DISC1: variants seen among roughly 807,000 people sequenced by gnomAD.
DISC1 encodes the protein disrupted in schizophrenia 1 protein.
A neutral mutation model predicts 84.5 loss-of-function variants in DISC1; 57 were observed. The observed-to-expected ratio is 0.67, with a 90% CI of 0.55 to 0.84. The LOEUF (loss-of-function observed/expected upper bound fraction) is 0.84. Among genes scored for constraint, DISC1 ranks in the 40% least tolerant of loss-of-function variants. The pLI, the probability that DISC1 is intolerant of heterozygous loss-of-function variation, is 0.00. For synonymous variants in DISC1, 411 were observed against 415.2 expected (o/e 0.99, Z 0.12); for missense variants, 1,000 against 1,057.8 (o/e 0.95, Z 0.76).
At chr1:231,912,961 G>A (rs2089359671) in intron 9 of DISC1, among the ~76,000 whole-genome samples, 1 of 150,156 alleles carries the variant, frequency 6.7e-6, no homozygotes, top group Admixed American at 6.7e-5. Context: ...AAGCTTGAGT[G>A]CAGTGGTTCC....
chr1:231,808,503 C>A (rs1180358792), intron 8 of DISC1, among the ~76,000 whole-genome samples: 2 of 152,222 alleles, frequency 1.3e-5, no homozygotes, highest in Non-Finnish European at 2.9e-5. Flanking sequence ...TTGTTTAATT[C>A]ATCTAGCTGT....
chr1:231,913,616 T>C lies in DISC1; in HGVS notation c.1982-45212T>C, dbSNP rs572192741. Among the ~76,000 whole-genome samples the C allele has an allele frequency of 1.2e-4, 19 of 152,328 alleles. No individual in the cohort carries two copies. In the East Asian group the frequency reaches 3.3e-3, roughly 26 times the overall value. On this transcript the variant is annotated intron_variant, in intron 9 of 12. Transcript: ENST00000439617. ...TCTTTACAAGTGTCTTGGGGACCTC[T>C]CGTGCCTTGCCCTGGTTCTGGGCCT...
chr1:231,818,698 C>T, intron 9 of DISC1, 181 bp downstream of exon 9: 8 of 1,429,924 alleles, frequency 5.6e-6, no homozygotes, highest in Non-Finnish European at 7.3e-6. Flanking sequence ...AATTACTTGT[C>T]AGCTTTTGTT....
intron 9 of DISC1, among the ~76,000 whole-genome samples, chr1:231,874,380 C>T (rs571170907): frequency 2.7e-5 from 4 of 150,786 alleles, no homozygotes; most frequent in African/African-American, 4.9e-5. Flanking sequence ...AGGGTGGTCT[C>T]GATCTCTTGA....
chr1:231,629,155 T>G (rs181948302), intron 1 of DISC1, among the ~76,000 whole-genome samples: 121 of 152,346 alleles, frequency 7.9e-4, no homozygotes, highest in Middle Eastern at 6.8e-3. Flanking sequence ...CTTTAAACTA[T>G]CTTCTTGTAA....
intron 3 of DISC1, among the ~76,000 whole-genome samples, chr1:231,743,526 T>C (rs1005275269): frequency 5.3e-5 from 8 of 152,236 alleles, no homozygotes; most frequent in African/African-American, 1.9e-4. Context: ...TTATTGCGTT[T>C]CACCAAAGTT....
chr1:231,838,459 C>T (rs1574183726), intron 9 of DISC1, among the ~76,000 whole-genome samples: 1 of 152,084 alleles, frequency 6.6e-6, no homozygotes, highest in Non-Finnish European at 1.5e-5. Context: ...GTTGTAATAG[C>T]CCTGTGACAC....
intron 3 of DISC1, among the ~76,000 whole-genome samples, chr1:231,744,926 A>G (rs1309670758): frequency 1.3e-5 from 2 of 152,206 alleles, no homozygotes; most frequent in African/African-American, 4.8e-5. Flanking sequence ...AAAAGAAATG[A>G]AAATCAATAG....
intron 12 of DISC1, among the ~76,000 whole-genome samples, chr1:232,027,051 G>A (rs181620156): frequency 6.4e-4 from 97 of 152,138 alleles, no homozygotes; most frequent in Non-Finnish European, 9.7e-4. Context: ...GCATCCGGCC[G>A]CAATTCAGTA....
intron 10 of DISC1, among the ~76,000 whole-genome samples, chr1:231,966,371 C>T (rs1459986445): frequency 2.0e-5 from 3 of 152,176 alleles, no homozygotes; most frequent in African/African-American, 7.2e-5. Context: ...CTCTTATGGC[C>T]AAACCTTGCT....
intron 9 of DISC1, among the ~76,000 whole-genome samples, chr1:231,899,046 G>A (rs545161392): frequency 5.3e-5 from 8 of 151,450 alleles, no homozygotes; most frequent in Admixed American, 2.6e-4. Flanking sequence ...AAGAGTGGAG[G>A]ACAGATCTTA....
At chr1:231,799,912 C>CT (rs1451092225) in intron 7 of DISC1, among the ~76,000 whole-genome samples, 196 bp from the exon 8 acceptor site, 18 of 65,792 alleles carry the variant, frequency 2.7e-4, no homozygotes, top group African/African-American at 1.1e-3. Context: ...TTCCTCCCTT[C>CT]TTCCCTTCCT....
chr1:231,915,908 T>C (rs775960923), intron 9 of DISC1, among the ~76,000 whole-genome samples: 1 of 152,194 alleles, frequency 6.6e-6, no homozygotes, highest in African/African-American at 2.4e-5. Context: ...CCAGAGATCA[T>C]GGGGATAACA....
At chr1:231,959,579 A>G (rs1355224069) in intron 10 of DISC1, 1 of 836,096 alleles carries the variant, frequency 1.2e-6, no homozygotes, top group Non-Finnish European at 1.4e-6. Flanking sequence ...AACTCTTTAG[A>G]TAGGCTATGC....
intron 9 of DISC1, among the ~76,000 whole-genome samples, chr1:231,950,770 T>C (rs531510014): frequency 1.3e-5 from 2 of 152,330 alleles, no homozygotes; most frequent in Non-Finnish European, 2.9e-5. Flanking sequence ...CTGGGCTTTA[T>C]CTACTATAAG....
rs932863677 is a variant in DISC1, at chr1:231,675,826, G to A, written c.68-18000G>A. Among the ~76,000 whole-genome samples, 1 of 150,328 alleles carries A rather than the reference G, an allele frequency of 6.7e-6. No individual in the cohort carries two copies. Among genetic ancestry groups the A allele is most frequent in the East Asian group, 1.9e-4 (1 of 5,136 alleles). On this transcript the variant is annotated intron_variant, in intron 1 of 12. Transcript: ENST00000439617. The surrounding 1 kb of genome is among the most constrained non-coding windows in gnomAD (Gnocchi z 4.1). ...TGTTCCAAATAGCTCTAGTCTGCTG[G>A]TATATTGTATTTGTTTTTTCTTTTC...
At chr1:231,713,817 T>C (rs1283285700) in intron 3 of DISC1, among the ~76,000 whole-genome samples, 1 of 144,126 alleles carries the variant, frequency 6.9e-6, no homozygotes, top group Non-Finnish European at 1.5e-5. Flanking sequence ...AGGAGATATA[T>C]ATATAGGAGA....
intron 10 of DISC1, among the ~76,000 whole-genome samples, chr1:232,004,997 T>C (rs867433367): frequency 0.23 from 22,838 of 97,372 alleles, 3,717 homozygotes; most frequent in African/African-American, 0.28. Flanking sequence ...TCTTCTCTTC[T>C]TTCCTTCCTT....
At position 231,702,729 on chromosome 1, in the gene DISC1, A is replaced by G. The variant is rs2066570257; in HGVS notation, c.1117+705A>G. The stretch of plus-strand genomic sequence containing the variant: ...AGATGAGGGCTGACATGGGGGTTGA[A>G]TGGGCACAGGGTAGACTGAGTCAAA... On this transcript the variant is annotated intron_variant, in intron 3 of 12. Coordinates refer to ENST00000439617, the MANE Select transcript of DISC1 (RefSeq NM_018662.3). The G allele has an allele frequency of 1.8e-5, 6 of 332,162 alleles. No homozygotes were observed. In the South Asian group the frequency reaches 7.2e-4, roughly 40 times the overall value. The allele number at this position is 332,162 out of a possible 1,614,324, so 20.6% of individuals were successfully genotyped here. A position where few individuals can be genotyped will look rare whatever the true frequency, so the allele number is the denominator to read the frequency against.
Sources: gnomAD v4.1 joint callset for allele counts (sites outside exome capture counted in the v4.1 genomes callset) on GRCh38, gnomAD v4.1.1 for gene constraint, Gnocchi (gnomAD v3.1) non-coding constraint, MANE v1.5 for transcripts, NCBI Gene and HGNC (gene_info 2026-07-23, HGNC 2026-07-21) for gene names.